Variants in C8orf34 observed in about 807,000 individuals in gnomAD.
The protein encoded by C8orf34 is chromosome 8 open reading frame 34.
A neutral mutation model predicts 68.3 loss-of-function variants in C8orf34; 65 were observed. The observed-to-expected ratio is 0.95, with a 90% CI of 0.78 to 1.17. C8orf34 has a LOEUF of 1.17. Ranked by LOEUF, C8orf34 falls within the 50% of genes most tolerant of loss-of-function variation. C8orf34 has a pLI of 0.00. For missense variants in C8orf34, 664 were observed against 655.4 expected, an observed-to-expected ratio of 1.01 and a Z score of -0.14; for synonymous variants, 244 against 241.2, an observed-to-expected ratio of 1.01 and a Z score of -0.11.
chr8:68,679,193 A>G (rs1455093255), intron 8 of C8orf34, among the ~76,000 whole-genome samples: 1 of 152,120 alleles, frequency 6.6e-6, no homozygotes, highest in Non-Finnish European at 1.5e-5. Context: ...GGGCTGAGGC[A>G]GGAGAATCGC....
chr8:68,712,278 GA>G (rs112817779), intron 9 of C8orf34, among the ~76,000 whole-genome samples: 2 of 151,460 alleles, frequency 1.3e-5, no homozygotes, highest in Admixed American at 6.6e-5. Context: ...ATAACACAAT[GA>G]AAAAAAACTT....
At chr8:68,381,185 T>C (rs1442098524) in intron 1 of C8orf34, among the ~76,000 whole-genome samples, 1 of 152,212 alleles carries the variant, frequency 6.6e-6, no homozygotes, top group Non-Finnish European at 1.5e-5. Flanking sequence ...GCAGGAAGAC[T>C]AGACTATTTT....
rs78925131 is a variant in C8orf34, at chr8:68,570,469, C to A, written c.1105+37320C>A. On this transcript the variant is annotated intron_variant, in intron 7 of 13. Coordinates refer to ENST00000518698, the MANE Select transcript of C8orf34 (RefSeq NM_052958.4). ...GCTCTCCTGTGGTTAGAAAGGCACT[C>A]CTTATGCTAATAAAACATTGTAAAC... 7.2e-5 allele frequency among the ~76,000 whole-genome samples: 11 copies of A among 152,242 alleles called. No individual in the cohort carries two copies. The East Asian group carries it at 2.1e-3, about 29-fold the overall frequency.
chr8:68,607,652 A>G (rs548542681), intron 7 of C8orf34, among the ~76,000 whole-genome samples: 235 of 152,244 alleles, frequency 1.5e-3, no homozygotes, highest in African/African-American at 5.5e-3. Context: ...GTTCACTTTG[A>G]GGCCTGAAAA....
chr8:68,707,415 A>G (rs188504900), intron 8 of C8orf34, among the ~76,000 whole-genome samples: 2 of 152,160 alleles, frequency 1.3e-5, no homozygotes, highest in Non-Finnish European at 2.9e-5. Context: ...ATTTCTTTGC[A>G]TCTCTATGAC....
intron 7 of C8orf34, among the ~76,000 whole-genome samples, chr8:68,585,586 T>C (rs1817185100): frequency 6.6e-6 from 1 of 151,998 alleles, no homozygotes; most frequent in African/African-American, 2.4e-5. Flanking sequence ...ACAGCTTGGG[T>C]GGGTCAGGAA....
In C8orf34 at chr8:68,625,998, C is replaced by G. The variant is rs141921978; in HGVS notation, c.1106-14378C>G. ...AAAATTTGCTTCATTAAGAATGTTG[C>G]TTGATGCATTGAAAATCTCAATATT... On this transcript the variant is annotated intron_variant, in intron 7 of 13. Transcript: ENST00000518698. 1.6e-3 allele frequency among the ~76,000 whole-genome samples: 244 copies of G among 152,192 alleles called. 3 individuals carry two copies. The highest frequency in any genetic ancestry group is 5.4e-3 in the African/African-American group (226 of 41,540).
intron 7 of C8orf34, among the ~76,000 whole-genome samples, chr8:68,594,799 C>A (rs1165964122): frequency 6.6e-6 from 1 of 152,080 alleles, no homozygotes; most frequent in Non-Finnish European, 1.5e-5. Context: ...GGAAATTACT[C>A]TCCCATAAGG....
At chr8:68,355,391 T>C (rs1054904729) in intron 1 of C8orf34, among the ~76,000 whole-genome samples, 36 of 152,136 alleles carry the variant, frequency 2.4e-4, no homozygotes, top group African/African-American at 6.5e-4. Context: ...TCTGTTAACA[T>C]TGGAGTCTTC....
Position 68,804,723 on chromosome 8 carries a change from G to A in C8orf34, c.1550-11163G>A, listed in dbSNP as rs1169348113. 1.1e-4 allele frequency among the ~76,000 whole-genome samples: 16 copies of A among 152,254 alleles called. No individual in the cohort carries two copies. In the East Asian group the frequency reaches 2.9e-3, roughly 28 times the overall value. On this transcript the variant is annotated intron_variant, in intron 12 of 13. Transcript: ENST00000518698. ...GAGCCGGGGAGGTCGATGCTGCAGTGAGCTGTGATTGCACCAGGGCACTCC... is the reference window on the plus strand; with the variant it reads ...GAGCCGGGGAGGTCGATGCTGCAGTAAGCTGTGATTGCACCAGGGCACTCC...
At chr8:68,695,297 G>A (rs758368248) in intron 8 of C8orf34, among the ~76,000 whole-genome samples, 9 of 151,830 alleles carry the variant, frequency 5.9e-5, no homozygotes, top group African/African-American at 1.2e-4. Context: ...ACAGGAACCC[G>A]CCACCACGTC....
At chr8:68,332,911 C>T (rs915874347) in intron 1 of C8orf34, among the ~76,000 whole-genome samples, 3 of 152,116 alleles carry the variant, frequency 2.0e-5, no homozygotes, top group Admixed American at 1.3e-4. Flanking sequence ...ATTGATTATA[C>T]ATAATCCTAT....
At chr8:68,612,288 C>A (rs1818046334) in intron 7 of C8orf34, among the ~76,000 whole-genome samples, 2 of 152,056 alleles carry the variant, frequency 1.3e-5, no homozygotes, top group Admixed American at 1.3e-4. Flanking sequence ...CTTGAGTTAG[C>A]CAGTTCTTTT....
At chr8:68,375,081 A>G (rs1268266268) in intron 1 of C8orf34, among the ~76,000 whole-genome samples, 1 of 152,202 alleles carries the variant, frequency 6.6e-6, no homozygotes, top group African/African-American at 2.4e-5. Context: ...ATTCTTTAGC[A>G]GAGATGGATC....
chr8:68,766,466 G>C (rs762526710), intron 10 of C8orf34, among the ~76,000 whole-genome samples: 12 of 152,056 alleles, frequency 7.9e-5, no homozygotes, highest in African/African-American at 2.4e-4. Context: ...GAATTTAAAG[G>C]CTTATTTCAA....
chr8:68,728,161 C>T (rs1419685981), intron 10 of C8orf34, among the ~76,000 whole-genome samples: 2 of 152,152 alleles, frequency 1.3e-5, no homozygotes, highest in Non-Finnish European at 2.9e-5. Flanking sequence ...AATAGTCTCT[C>T]TCAAGTTCAA....
intron 1 of C8orf34, among the ~76,000 whole-genome samples, chr8:68,362,601 G>T (rs1807053783): frequency 6.6e-6 from 1 of 152,198 alleles, no homozygotes; most frequent in Non-Finnish European, 1.5e-5. Flanking sequence ...CCCCCGAGCA[G>T]CCTAACTGGG....
chr8:68,446,537 A>G (rs16934634), intron 3 of C8orf34, 77 bp downstream of exon 3: 58,109 of 1,459,572 alleles, frequency 0.04, 1,350 homozygotes, highest in African/African-American at 0.099. Context: ...AAAGGTATTA[A>G]TTGAAGCCCA....
intron 1 of C8orf34, among the ~76,000 whole-genome samples, chr8:68,435,936 G>A (rs756041959): frequency 1.3e-5 from 2 of 152,176 alleles, no homozygotes; most frequent in Non-Finnish European, 1.5e-5. Flanking sequence ...GGCTGGGCAT[G>A]GTGGCTCACG....
Sources: allele counts gnomAD v4.1 joint callset (sites outside exome capture counted in the v4.1 genomes callset), GRCh38; gene constraint gnomAD v4.1.1; transcripts MANE v1.5; gene names NCBI Gene and HGNC (gene_info 2026-07-23, HGNC 2026-07-21).